The following ZNF713 variants were observed in gnomAD, a reference collection of about 807,000 sequenced individuals.
ZNF713 encodes the protein zinc finger protein 713.
Under a neutral mutation model 28.7 loss-of-function variants are expected in ZNF713, and 21 were observed. The ratio of observed to expected loss-of-function variants is 0.73; its 90% confidence interval spans 0.52 to 1.05. The LOEUF (loss-of-function observed/expected upper bound fraction) is 1.05, where lower values mean the gene tolerates loss of function less well. Ranked by LOEUF, ZNF713 falls within the 50% of genes least tolerant of loss-of-function variation. The pLI is 0.00. For synonymous variants in ZNF713, 167 were observed against 178.0 expected (o/e 0.94, Z 0.49); for missense variants, 458 against 532.4 (o/e 0.86, Z 1.37).
At chr7:55,905,160 A>C (rs1335186142) in intron 1 of ZNF713, among the ~76,000 whole-genome samples, 1 of 152,214 alleles carries the variant, frequency 6.6e-6, no homozygotes, top group Non-Finnish European at 1.5e-5. Context: ...TGAAGTAGAA[A>C]GATAGTGAAA....
intron 6 of ZNF713, among the ~76,000 whole-genome samples, chr7:55,934,300 C>T (rs544576018): frequency 5.3e-4 from 81 of 152,196 alleles, no homozygotes; most frequent in African/African-American, 1.9e-3. Flanking sequence ...AGCAGGTCTA[C>T]AGATCCCCAG....
chr7:55,924,938 A>G (rs950719918), intron 6 of ZNF713: 7 of 152,102 alleles, frequency 4.6e-5, no homozygotes, highest in African/African-American at 1.7e-4. Flanking sequence ...TTTTACTTAA[A>G]TATTTCAAAA....
intron 2 of ZNF713, among the ~76,000 whole-genome samples, chr7:55,907,482 G>A (rs1785702273): frequency 6.6e-6 from 1 of 152,148 alleles, no homozygotes; most frequent in Admixed American, 6.5e-5. Flanking sequence ...TGGCTGCATG[G>A]TATTCCACGT....
intron 1 of ZNF713, among the ~76,000 whole-genome samples, 181 bp downstream of exon 1, chr7:55,887,861 CG>C (rs1429104701): frequency 0.45 from 5,658 of 12,654 alleles, 1,844 homozygotes; most frequent in African/African-American, 0.59. Flanking sequence ...CGGCGGGCGG[CG>C]GGCGGCGGCG....
At chr7:55,902,543 A>G (rs2116190021) in intron 1 of ZNF713, among the ~76,000 whole-genome samples, 1 of 152,310 alleles carries the variant, frequency 6.6e-6, no homozygotes, top group South Asian at 2.1e-4. Context: ...AATGGCGTTG[A>G]TGGTAATGAA....
intron 1 of ZNF713, among the ~76,000 whole-genome samples, chr7:55,890,679 G>A (rs560858956): frequency 1.3e-5 from 2 of 151,996 alleles, no homozygotes; most frequent in Non-Finnish European, 2.9e-5. Flanking sequence ...TCTAAATAAA[G>A]ATATAAGAAG....
At chr7:55,909,430 G>A (rs1350854004) in intron 2 of ZNF713, among the ~76,000 whole-genome samples, 1 of 152,118 alleles carries the variant, frequency 6.6e-6, no homozygotes, top group Non-Finnish European at 1.5e-5. Flanking sequence ...ATGCTACTTT[G>A]TTTCCTGTAG....
intron 1 of ZNF713, among the ~76,000 whole-genome samples, chr7:55,900,190 G>A (rs182127624): frequency 1.4e-4 from 22 of 152,240 alleles, no homozygotes; most frequent in Middle Eastern, 6.8e-3. Context: ...TGTGGTGGCC[G>A]GGCGTGGTGG....
At chr7:55,915,003 C>T (rs1785853607) in intron 4 of ZNF713, among the ~76,000 whole-genome samples, 1 of 152,082 alleles carries the variant, frequency 6.6e-6, no homozygotes, top group East Asian at 1.9e-4. Flanking sequence ...TACAGGCATG[C>T]GCCACCACGC....
chr7:55,914,169 A>G (rs556361202), intron 4 of ZNF713, among the ~76,000 whole-genome samples: 1 of 151,962 alleles, frequency 6.6e-6, no homozygotes, highest in East Asian at 1.9e-4. Context: ...ATGAATGCAC[A>G]TTTATATATT....
intron 2 of ZNF713, among the ~76,000 whole-genome samples, chr7:55,911,138 T>G (rs1383478036): frequency 6.6e-6 from 1 of 152,232 alleles, no homozygotes; most frequent in African/African-American, 2.4e-5. Flanking sequence ...TCACTGGAAC[T>G]GCAGTTTTCT....
intron 6 of ZNF713, among the ~76,000 whole-genome samples, chr7:55,934,993 A>AT (rs912525756): frequency 2.3e-4 from 34 of 147,402 alleles, no homozygotes; most frequent in African/African-American, 7.3e-4. Flanking sequence ...GGTTCAAGTG[A>AT]TTCTCCTGCC....
At chr7:55,919,884 C>G (rs1490749212) in intron 4 of ZNF713, among the ~76,000 whole-genome samples, 1 of 151,646 alleles carries the variant, frequency 6.6e-6, no homozygotes, top group Non-Finnish European at 1.5e-5. Flanking sequence ...TTTTATTATA[C>G]TTCAAGTTCT....
At chr7:55,916,613 C>T (rs1785885939) in intron 4 of ZNF713, among the ~76,000 whole-genome samples, 2 of 152,212 alleles carry the variant, frequency 1.3e-5, no homozygotes, top group African/African-American at 4.8e-5. Flanking sequence ...ATAGGAAGCA[C>T]TGAATAACCA....
chr7:55,908,128 C>T (rs1785716743), intron 2 of ZNF713, among the ~76,000 whole-genome samples: 1 of 135,494 alleles, frequency 7.4e-6, no homozygotes, highest in Non-Finnish European at 1.5e-5. Flanking sequence ...CACCAACATC[C>T]GTTGTTGTTT....
intron 1 of ZNF713, among the ~76,000 whole-genome samples, chr7:55,901,516 G>A (rs781017182): frequency 6.6e-6 from 1 of 152,178 alleles, no homozygotes; most frequent in Non-Finnish European, 1.5e-5. Context: ...TTGTCAATTA[G>A]AAATTTAAAC....
chr7:55,931,196 G>T (rs1713707056), intron 6 of ZNF713, among the ~76,000 whole-genome samples: 1 of 152,012 alleles, frequency 6.6e-6, no homozygotes, highest in Non-Finnish European at 1.5e-5. Context: ...TGAGGCAGGA[G>T]AATCTCTTGA....
At chr7:55,899,798 G>C (rs1043236729) in intron 1 of ZNF713, among the ~76,000 whole-genome samples, 2 of 152,016 alleles carry the variant, frequency 1.3e-5, no homozygotes, top group African/African-American at 4.8e-5. Context: ...CTGGAGTGCA[G>C]TGGCACGATC....
At chr7:55,925,140 C>G (rs74424125) in intron 6 of ZNF713, among the ~76,000 whole-genome samples, 11 of 152,114 alleles carry the variant, frequency 7.2e-5, no homozygotes, top group Non-Finnish European at 1.5e-4. Context: ...TAGGTAGTTT[C>G]TACTCTGGTC....
Sources: gnomAD v4.1 joint callset for allele counts (sites outside exome capture counted in the v4.1 genomes callset) on GRCh38, gnomAD v4.1.1 for gene constraint, MANE v1.5 for transcripts, NCBI Gene and HGNC (gene_info 2026-07-23, HGNC 2026-07-21) for gene names.